The following ENPEP variants were observed in gnomAD, a reference collection of about 807,000 sequenced individuals.
ENPEP encodes the protein glutamyl aminopeptidase, also known as AP-A.
In ENPEP, 103 loss-of-function variants were observed where a neutral mutation model predicts 114.5. That is an observed-to-expected ratio of 0.90 (90% CI 0.77 to 1.06). ENPEP has a LOEUF of 1.06. Ranked by LOEUF, ENPEP falls within the 50% of genes least tolerant of loss-of-function variation. The pLI is 0.00. For missense variants in ENPEP, 1,196 were observed against 1,161.3 expected (o/e 1.03, Z -0.43); for synonymous variants, 420 against 422.0 (o/e 1.00, Z 0.06).
At position 110,558,270 on chromosome 4, in the gene ENPEP, TTATATA is replaced by T. The variant is rs5861011; in HGVS notation, c.2643-1358_2643-1353del. On this transcript the variant is annotated intron_variant, in intron 18 of 19. Transcript: ENST00000265162. The stretch of plus-strand genomic sequence containing the variant: ...TGGAAACATTTAATATTTATAAAAA[TTATATA>T]TATATATATATATATATAAATTTTT... Among the ~76,000 whole-genome samples the T allele has an allele frequency of 6.6e-4, 93 of 141,662 alleles. 1 individual carries two copies. Among genetic ancestry groups the T allele is most frequent in the African/African-American group, 1.5e-3 (56 of 38,102 alleles). The allele number at this position is 141,662 out of a possible 152,430, so 92.9% of individuals were successfully genotyped here. A position where few individuals can be genotyped will look rare whatever the true frequency, so the allele number is the denominator to read the frequency against.
intron 10 of ENPEP, among the ~76,000 whole-genome samples, chr4:110,530,730 A>G (rs1363048518): frequency 4.6e-5 from 7 of 152,298 alleles, no homozygotes; most frequent in Non-Finnish European, 1.0e-4. Flanking sequence ...TGGTGGTGGT[A>G]GACTTTCAGC....
At chr4:110,557,145 T>G (rs1727505764) in intron 18 of ENPEP, among the ~76,000 whole-genome samples, 1 of 152,042 alleles carries the variant, frequency 6.6e-6, no homozygotes, top group African/African-American at 2.4e-5. Context: ...GGGGTGGGAA[T>G]AGTCAAAGGG....
chr4:110,546,227 T>C (rs1727051332), intron 13 of ENPEP, among the ~76,000 whole-genome samples: 1 of 151,984 alleles, frequency 6.6e-6, no homozygotes, highest in Admixed American at 6.6e-5. Context: ...AGTCCTGCTT[T>C]GGGGTCCTGC....
chr4:110,480,966 G>A (rs191527067), intron 1 of ENPEP, among the ~76,000 whole-genome samples: 6 of 152,194 alleles, frequency 3.9e-5, no homozygotes, highest in Admixed American at 2.0e-4. Context: ...ACCGTGTTAC[G>A]TAGGATTTCC....
chr4:110,515,304 C>A, intron 7 of ENPEP, 73 bp from the exon 8 acceptor site: 1 of 1,225,688 alleles, frequency 8.2e-7, no homozygotes, highest in Non-Finnish European at 1.2e-6. Context: ...ATACTAGTTG[C>A]AAGAGTAATA....
At chr4:110,503,442 A>G (rs6844746) in intron 3 of ENPEP, among the ~76,000 whole-genome samples, 44,624 of 151,920 alleles carry the variant, frequency 0.29, 6,865 homozygotes, top group Non-Finnish European at 0.33. Context: ...GTACTGTTAT[A>G]TTGTAATCCT....
Position 110,517,817 on chromosome 4 carries a change from C to T in ENPEP, c.1510-2191C>T, listed in dbSNP as rs990869207. Among the ~76,000 whole-genome samples the T allele has an allele frequency of 3.9e-5, 6 of 152,178 alleles. No individual in the cohort carries two copies. In the South Asian group the frequency reaches 6.2e-4, roughly 16 times the overall value. ...ACCCTTTTCCTTCAATCTTCAAACA[C>T]TAGCTAATATCTGAAAATAGTATAT... On this transcript the variant is annotated intron_variant, in intron 8 of 19. Transcript: ENST00000265162.
intron 3 of ENPEP, among the ~76,000 whole-genome samples, chr4:110,493,999 G>C (rs1724827099): frequency 6.6e-6 from 1 of 152,166 alleles, no homozygotes; most frequent in African/African-American, 2.4e-5. Flanking sequence ...AGAAACAAAA[G>C]AGAATCCCGA....
intron 8 of ENPEP, among the ~76,000 whole-genome samples, chr4:110,516,367 A>G (rs1725769204): frequency 1.3e-5 from 2 of 152,114 alleles, no homozygotes; most frequent in South Asian, 4.1e-4. Context: ...AATTTTATCA[A>G]AGTAGCTACA....
At chr4:110,490,861 A>G (rs1416049753) in intron 2 of ENPEP, among the ~76,000 whole-genome samples, 172 bp from the exon 3 acceptor site, 1 of 152,222 alleles carries the variant, frequency 6.6e-6, no homozygotes, top group East Asian at 1.9e-4. Flanking sequence ...TCTAAAAACA[A>G]AGTAAATTTT....
intron 10 of ENPEP, among the ~76,000 whole-genome samples, chr4:110,522,274 C>T (rs900071495): frequency 2.0e-5 from 3 of 151,856 alleles, no homozygotes; most frequent in South Asian, 2.1e-4. Flanking sequence ...CTCTGCTTCT[C>T]GGGTTCAAGC....
intron 2 of ENPEP, 95 bp downstream of exon 2, chr4:110,488,777 C>T: frequency 6.8e-7 from 1 of 1,463,668 alleles, no homozygotes; most frequent in South Asian, 1.4e-5. Flanking sequence ...CCATTGAATT[C>T]TAAAACTAAA....
intron 10 of ENPEP, among the ~76,000 whole-genome samples, chr4:110,525,638 A>G (rs1726167558): frequency 6.7e-6 from 1 of 148,832 alleles, no homozygotes; most frequent in African/African-American, 2.4e-5. Context: ...TTAGAATAAC[A>G]CAAAAAGATG....
chr4:110,519,803 AAAG>A (rs1460744849), intron 8 of ENPEP, among the ~76,000 whole-genome samples: 2 of 152,220 alleles, frequency 1.3e-5, no homozygotes, highest in African/African-American at 4.8e-5. Context: ...AAAAAAATCA[AAAG>A]AAGAAGAATA....
chr4:110,503,844 G>A (rs1725255754), intron 3 of ENPEP, among the ~76,000 whole-genome samples: 1 of 152,248 alleles, frequency 6.6e-6, no homozygotes, highest in Admixed American at 6.5e-5. Flanking sequence ...TGTTAGCAAA[G>A]TATTTTTGGT....
chr4:110,496,631 T>C (rs754674954), intron 3 of ENPEP, among the ~76,000 whole-genome samples: 1 of 152,252 alleles, frequency 6.6e-6, no homozygotes, highest in Non-Finnish European at 1.5e-5. Context: ...TTCTGATATA[T>C]GACATTTCTC....
intron 1 of ENPEP, among the ~76,000 whole-genome samples, chr4:110,484,601 G>T (rs551625577): frequency 6.6e-6 from 1 of 151,678 alleles, no homozygotes; most frequent in Non-Finnish European, 1.5e-5. Flanking sequence ...TTCCATGTCC[G>T]TTGGCAAGCT....
At chr4:110,493,310 T>C (rs1156868050) in intron 3 of ENPEP, among the ~76,000 whole-genome samples, 1 of 152,228 alleles carries the variant, frequency 6.6e-6, no homozygotes, top group African/African-American at 2.4e-5. Flanking sequence ...ATTTCTTAAA[T>C]GGTTCTTCTA....
intron 1 of ENPEP, among the ~76,000 whole-genome samples, chr4:110,484,329 T>A (rs1339656787): frequency 2.0e-5 from 3 of 152,150 alleles, no homozygotes; most frequent in Middle Eastern, 3.2e-3. Context: ...TTGGTCAAGA[T>A]CACACTTTAG....
Sources: gnomAD v4.1 joint callset for allele counts (sites outside exome capture counted in the v4.1 genomes callset) on GRCh38, gnomAD v4.1.1 for gene constraint, MANE v1.5 for transcripts, NCBI Gene and HGNC (gene_info 2026-07-23, HGNC 2026-07-21) for gene names.